Variants in CDH20 observed in about 807,000 individuals in gnomAD.
CDH20 encodes cadherin 20.
CDH20 carries 29 observed loss-of-function variants against 74.2 expected under a neutral mutation model. The ratio of observed to expected loss-of-function variants is 0.39; its 90% CI spans 0.29 to 0.53. The LOEUF (loss-of-function observed/expected upper bound fraction) is 0.53, where lower values mean the gene tolerates loss of function less well. Ranked by LOEUF, CDH20 falls within the 20% of genes least tolerant of loss-of-function variation. The pLI is 0.69. For missense variants in CDH20, 988 were observed against 1,048.3 expected, an observed-to-expected ratio of 0.94 and a Z score of 0.79; for synonymous variants, 469 against 405.4, an observed-to-expected ratio of 1.16 and a Z score of -1.88.
intron 1 of CDH20, among the ~76,000 whole-genome samples, chr18:61,479,108 CTTTCT>C (rs1266282924): frequency 1.3e-5 from 2 of 151,730 alleles, no homozygotes; most frequent in African/African-American, 2.4e-5. Flanking sequence ...TATTTCAAAC[CTTTCT>C]TTTCTATTTA....
chr18:61,392,433 T>TA (rs1911822112), intron 1 of CDH20, among the ~76,000 whole-genome samples: 1 of 152,158 alleles, frequency 6.6e-6, no homozygotes, highest in Non-Finnish European at 1.5e-5. Context: ...CTTGAGGGGT[T>TA]GAAGTATCCA....
intron 1 of CDH20, among the ~76,000 whole-genome samples, chr18:61,364,304 GTGTTTGTT>G (rs757382907): frequency 6.6e-6 from 1 of 151,914 alleles, no homozygotes. Context: ...TGAATGAGGT[GTGTTTGTT>G]TGTTTGTTTG....
At chr18:61,341,433 G>A (rs34592799) in intron 1 of CDH20, among the ~76,000 whole-genome samples, 6 of 151,228 alleles carry the variant, frequency 4.0e-5, no homozygotes, top group African/African-American at 1.5e-4. Flanking sequence ...CCCCCCCCCC[G>A]CCTAATGCCG....
intron 1 of CDH20, among the ~76,000 whole-genome samples, chr18:61,362,697 G>A (rs1325923846): frequency 1.3e-5 from 2 of 151,934 alleles, no homozygotes; most frequent in African/African-American, 4.8e-5. Context: ...TATGTACTTA[G>A]TACTATGACT....
At chr18:61,412,563 T>C (rs1168138159) in intron 1 of CDH20, among the ~76,000 whole-genome samples, 1 of 151,962 alleles carries the variant, frequency 6.6e-6, no homozygotes, top group Non-Finnish European at 1.5e-5. Context: ...CAAAAAAGAA[T>C]AGTCCAACAA....
At chr18:61,525,964 A>ATTTTTTTTTTTTT (rs1006282537) in intron 6 of CDH20, among the ~76,000 whole-genome samples, 1 of 84,362 alleles carries the variant, frequency 1.2e-5, no homozygotes. Flanking sequence ...CACCCAGCTA[A>ATTTTTTTTTTTTT]TTTTTTTTTT....
chr18:61,433,205 A>G (rs1049697711), intron 1 of CDH20, among the ~76,000 whole-genome samples: 1 of 152,208 alleles, frequency 6.6e-6, no homozygotes, highest in African/African-American at 2.4e-5. Context: ...TAATGTATAT[A>G]TATCACCAAT....
chr18:61,420,305 A>T (rs1912830404), intron 1 of CDH20, among the ~76,000 whole-genome samples: 1 of 152,042 alleles, frequency 6.6e-6, no homozygotes, highest in African/African-American at 2.4e-5. Flanking sequence ...ATGTCAATGA[A>T]AATGATTTCA....
At chr18:61,430,554 A>T (rs893972364) in intron 1 of CDH20, among the ~76,000 whole-genome samples, 1 of 151,836 alleles carries the variant, frequency 6.6e-6, no homozygotes, top group Non-Finnish European at 1.5e-5. Flanking sequence ...GCTATGCTCC[A>T]CATCTCTGAA....
chr18:61,338,035 T>C (rs1454858443), intron 1 of CDH20, among the ~76,000 whole-genome samples: 1 of 152,212 alleles, frequency 6.6e-6, no homozygotes, highest in Non-Finnish European at 1.5e-5. Flanking sequence ...ATACTTAGTT[T>C]CTCCAAAATA....
chr18:61,345,437 G>A (rs908703214), intron 1 of CDH20, among the ~76,000 whole-genome samples: 4 of 152,144 alleles, frequency 2.6e-5, no homozygotes, highest in African/African-American at 9.7e-5. Context: ...AGTGACCAGG[G>A]TCATCTGCTG....
chr18:61,452,807 C>A (rs1047676832), intron 1 of CDH20, among the ~76,000 whole-genome samples: 74 of 152,256 alleles, frequency 4.9e-4, no homozygotes, highest in Admixed American at 1.3e-3. Context: ...TTAAGACCCA[C>A]AACTGTTTTA....
chr18:61,499,793 T>C (rs1911300261), intron 3 of CDH20, among the ~76,000 whole-genome samples: 1 of 152,106 alleles, frequency 6.6e-6, no homozygotes, highest in African/African-American at 2.4e-5. Context: ...AATATTTTGT[T>C]ATTATCAAAA....
intron 1 of CDH20, among the ~76,000 whole-genome samples, chr18:61,489,433 T>C (rs1478837440): frequency 4.6e-5 from 7 of 151,884 alleles, no homozygotes; most frequent in African/African-American, 1.7e-4. Context: ...GGAAGACATT[T>C]TGGTTGTCTT....
chr18:61,520,099 G>C (rs896096864), intron 6 of CDH20, among the ~76,000 whole-genome samples: 3 of 150,646 alleles, frequency 2.0e-5, no homozygotes, highest in Non-Finnish European at 2.9e-5. Context: ...GGTGGATCAC[G>C]AGGTCAGGAG....
chr18:61,455,234 C>G (rs747721344), intron 1 of CDH20, among the ~76,000 whole-genome samples: 59 of 152,118 alleles, frequency 3.9e-4, no homozygotes, highest in Admixed American at 9.2e-4. Flanking sequence ...GACTAAAGAG[C>G]TGGGACAACT....
chr18:61,484,909 C>T (rs1910706113), intron 1 of CDH20, among the ~76,000 whole-genome samples: 1 of 152,126 alleles, frequency 6.6e-6, no homozygotes, highest in Non-Finnish European at 1.5e-5. Flanking sequence ...ATTTACAAAA[C>T]AGCACTCTCG....
intron 1 of CDH20, among the ~76,000 whole-genome samples, chr18:61,485,280 A>T (rs1910718651): frequency 6.6e-6 from 1 of 152,226 alleles, no homozygotes; most frequent in Admixed American, 6.5e-5. Context: ...TACTATGAGA[A>T]CATTAAATAT....
At chr18:61,369,966 A>C (rs1910979009) in intron 1 of CDH20, among the ~76,000 whole-genome samples, 1 of 152,078 alleles carries the variant, frequency 6.6e-6, no homozygotes, top group Admixed American at 6.6e-5. Flanking sequence ...AATGGGTACC[A>C]GGCTTAATAC....
Sources: allele counts gnomAD v4.1 joint callset (sites outside exome capture counted in the v4.1 genomes callset), GRCh38; gene constraint gnomAD v4.1.1; transcripts MANE v1.5; gene names NCBI Gene and HGNC (gene_info 2026-07-23, HGNC 2026-07-21).